TENM2: variants seen among roughly 807,000 people sequenced by gnomAD.
TENM2 encodes teneurin transmembrane protein 2.
TENM2 carries 52 observed loss-of-function variants against 245.2 expected under a neutral mutation model. The ratio of observed to expected loss-of-function variants is 0.21; its 90% CI spans 0.17 to 0.27. The LOEUF is 0.27. Ranked by LOEUF, TENM2 falls within the 10% of genes least tolerant of loss-of-function variation. The pLI is 1.00. For synonymous variants in TENM2, 1,363 were observed against 1,438.9 expected (o/e 0.95, Z 1.19); for missense variants, 3,046 against 3,666.8 (o/e 0.83, Z 4.37).
At chr5:167,544,254 T>G (rs1772402758) in intron 2 of TENM2, among the ~76,000 whole-genome samples, 2 of 152,144 alleles carry the variant, frequency 1.3e-5, no homozygotes, top group Admixed American at 1.3e-4. Context: ...CTTCTGGACA[T>G]GGGGCCCTGG....
At chr5:167,001,364 T>G in the TENM2 span, among the ~76,000 whole-genome samples, 8 of 152,136 alleles carry the variant, frequency 5.3e-5, no homozygotes, top group Non-Finnish European at 1.2e-4. Flanking sequence ...TATTTCATGT[T>G]TCTTATTCTC....
chr5:167,190,238 A>G, the TENM2 span, among the ~76,000 whole-genome samples: 1 of 152,236 alleles, frequency 6.6e-6, no homozygotes, highest in African/African-American at 2.4e-5. Context: ...TACAAATTCT[A>G]TAATTTGGGA....
intron 2 of TENM2, among the ~76,000 whole-genome samples, chr5:167,475,329 A>G (rs1001618554): frequency 5.9e-5 from 9 of 152,184 alleles, no homozygotes; most frequent in African/African-American, 1.2e-4. Flanking sequence ...AGTATTGTTT[A>G]TGTACATTAT....
chr5:167,792,551 T>A (rs1765051926), intron 2 of TENM2, among the ~76,000 whole-genome samples: 1 of 151,994 alleles, frequency 6.6e-6, no homozygotes, highest in Non-Finnish European at 1.5e-5. Flanking sequence ...ACGTGTTCTG[T>A]CCACCTCACT....
chr5:168,110,076 G>T (rs959744075), intron 9 of TENM2, among the ~76,000 whole-genome samples: 9 of 130,170 alleles, frequency 6.9e-5, no homozygotes, highest in Admixed American at 5.5e-4. Flanking sequence ...TAAACTACTA[G>T]ATAAGTAGCA....
chr5:167,804,059 T>C (rs1049645408), intron 2 of TENM2, among the ~76,000 whole-genome samples: 2 of 152,038 alleles, frequency 1.3e-5, no homozygotes, highest in South Asian at 2.1e-4. Context: ...GGTTTTAGAA[T>C]TGGGGATGTT....
intron 2 of TENM2, among the ~76,000 whole-genome samples, chr5:167,781,335 AGT>A (rs765445672): frequency 2.6e-5 from 4 of 152,384 alleles, no homozygotes; most frequent in Admixed American, 6.5e-5. Context: ...GTTACAAAAT[AGT>A]GATGCAAAAT....
chr5:167,283,019 C>A (rs902547932), upstream of TENM2, among the ~76,000 whole-genome samples: 15 of 151,966 alleles, frequency 9.9e-5, no homozygotes, highest in Non-Finnish European at 1.3e-4. Flanking sequence ...CAAGACTGTG[C>A]TTGAAGATCA....
intron 4 of TENM2, among the ~76,000 whole-genome samples, chr5:167,986,734 G>C (rs1019872199): frequency 2.6e-5 from 4 of 152,176 alleles, no homozygotes; most frequent in Non-Finnish European, 4.4e-5. Flanking sequence ...CGACCGCTGG[G>C]AAGAAGTTCA....
chr5:168,036,643 AAT>A (rs61665761), intron 5 of TENM2, among the ~76,000 whole-genome samples: 7,597 of 73,692 alleles, frequency 0.1, 655 homozygotes, highest in African/African-American at 0.27. Flanking sequence ...TCAAAAAAAA[AAT>A]ATATATATAT....
chr5:167,115,722 A>G, the TENM2 span, among the ~76,000 whole-genome samples: 1 of 152,242 alleles, frequency 6.6e-6, no homozygotes, highest in Admixed American at 6.5e-5. Context: ...TTATGGTGTG[A>G]GAAAACGTAG....
chr5:167,400,392 C>A (rs1300513040), intron 2 of TENM2, among the ~76,000 whole-genome samples: 1 of 151,842 alleles, frequency 6.6e-6, no homozygotes, highest in African/African-American at 2.4e-5. Flanking sequence ...AGTAGGATGA[C>A]TAGGTTAGAG....
At chr5:168,241,241 T>G (rs1766070797) in intron 25 of TENM2, 1 of 145,982 alleles carries the variant, frequency 6.9e-6, no homozygotes, top group African/African-American at 2.6e-5. Flanking sequence ...TGATGCATTC[T>G]CTTTTCTTTT....
At chr5:167,576,613 T>G (rs1394485139) in intron 2 of TENM2, among the ~76,000 whole-genome samples, 3 of 152,180 alleles carry the variant, frequency 2.0e-5, no homozygotes, top group Admixed American at 6.5e-5. Context: ...TTCAGAACAT[T>G]TCATCCCTGA....
At chr5:167,853,978 T>C (rs1770837920) in intron 2 of TENM2, among the ~76,000 whole-genome samples, 1 of 152,224 alleles carries the variant, frequency 6.6e-6, no homozygotes, top group African/African-American at 2.4e-5. Flanking sequence ...TTTCTACTTA[T>C]TCAGTAATTG....
intron 2 of TENM2, among the ~76,000 whole-genome samples, chr5:167,397,995 G>T (rs2127379399): frequency 6.6e-6 from 1 of 152,176 alleles, no homozygotes; most frequent in Non-Finnish European, 1.5e-5. Flanking sequence ...TATACTCCAT[G>T]CACTGTGATG....
chr5:167,220,403 A>G, the TENM2 span, among the ~76,000 whole-genome samples: 550 of 152,362 alleles, frequency 3.6e-3, 4 homozygotes, highest in African/African-American at 0.013. Context: ...TCCACAATAC[A>G]GTAGACGATG....
the TENM2 span, among the ~76,000 whole-genome samples, chr5:167,019,272 A>G: frequency 1.3e-5 from 2 of 152,138 alleles, no homozygotes; most frequent in African/African-American, 4.8e-5. Context: ...CTTTCCAAAC[A>G]AGGAAACTGG....
the TENM2 span, among the ~76,000 whole-genome samples, chr5:167,245,308 A>T: frequency 6.6e-6 from 1 of 152,156 alleles, no homozygotes; most frequent in Non-Finnish European, 1.5e-5. Context: ...CCACTAGCTA[A>T]AGTGTATAAA....
Sources: allele counts gnomAD v4.1 joint callset (sites outside exome capture counted in the v4.1 genomes callset), GRCh38; gene constraint gnomAD v4.1.1; transcripts MANE v1.5; gene names NCBI Gene and HGNC (gene_info 2026-07-23, HGNC 2026-07-21).